The following KLF12 variants were observed in gnomAD, a reference collection of about 807,000 sequenced individuals.
KLF12 encodes the protein Krueppel-like factor 12.
Under a neutral mutation model 37.8 loss-of-function variants are expected in KLF12, and 9 were observed. The ratio of observed to expected loss-of-function variants is 0.24; its 90% confidence interval spans 0.14 to 0.42. The LOEUF (loss-of-function observed/expected upper bound fraction) is 0.42, where lower values mean the gene tolerates loss of function less well. Ranked by LOEUF, KLF12 falls within the 10% of genes least tolerant of loss-of-function variation. The probability of loss-of-function intolerance (pLI) is 1.00; values close to 1 mark genes in which losing one functional copy is unlikely to be tolerated. For synonymous variants in KLF12, 208 were observed against 202.1 expected, an observed-to-expected ratio of 1.03 and a Z score of -0.25; for missense variants, 411 against 516.0, an observed-to-expected ratio of 0.80 and a Z score of 1.97.
intron 1 of KLF12, among the ~76,000 whole-genome samples, chr13:74,050,767 C>G (rs1872865465): frequency 6.6e-6 from 1 of 152,152 alleles, no homozygotes; most frequent in Admixed American, 6.5e-5. Flanking sequence ...AAACTGTCAA[C>G]AGAGTGAAAA....
At position 73,722,107 on chromosome 13, in the gene KLF12, T is replaced by G. The variant is rs1449603664; in HGVS notation, c.870-6582A>C. Among the ~76,000 whole-genome samples the G allele has an allele frequency of 2.6e-5, 4 of 152,180 alleles. No individual in the cohort carries two copies. The South Asian group carries it at 8.3e-4, about 32-fold the overall frequency. ...TTTGTACTGTTTCTAAGGTTTCATA[T>G]TATTTAAAATAAGACATTGAACATC... On this transcript the variant is annotated intron_variant, in intron 6 of 7. Coordinates refer to ENST00000377669, the MANE Select transcript of KLF12 (RefSeq NM_007249.5).
intron 3 of KLF12, among the ~76,000 whole-genome samples, chr13:73,887,402 AAC>A (rs1887283327): frequency 6.6e-6 from 1 of 152,148 alleles, no homozygotes; most frequent in Non-Finnish European, 1.5e-5. Flanking sequence ...CTACCATGGT[AAC>A]GAGTGTGTTC....
At chr13:74,094,835 A>T (rs188782563) in intron 1 of KLF12, among the ~76,000 whole-genome samples, 1 of 152,108 alleles carries the variant, frequency 6.6e-6, no homozygotes, top group Non-Finnish European at 1.5e-5. Context: ...CCTGACCTCA[A>T]GTGATCCACC....
the KLF12 span, among the ~76,000 whole-genome samples, chr13:74,294,083 G>A: frequency 6.6e-6 from 1 of 152,198 alleles, no homozygotes; most frequent in Admixed American, 6.5e-5. Flanking sequence ...TTTCCAGAAT[G>A]CCGGGAGTAG....
the KLF12 span, among the ~76,000 whole-genome samples, chr13:74,188,623 A>G: frequency 6.6e-6 from 1 of 152,304 alleles, no homozygotes; most frequent in African/African-American, 2.4e-5. Flanking sequence ...TATTTATGGT[A>G]AAGTTAACAG....
chr13:73,918,423 A>C (rs539304508), intron 3 of KLF12, among the ~76,000 whole-genome samples: 1 of 152,306 alleles, frequency 6.6e-6, no homozygotes, highest in African/African-American at 2.4e-5. Flanking sequence ...CCTCCAGTCC[A>C]TGATGTAGAT....
chr13:73,889,228 T>C (rs1214969476), intron 3 of KLF12, among the ~76,000 whole-genome samples: 1 of 152,124 alleles, frequency 6.6e-6, no homozygotes, highest in Non-Finnish European at 1.5e-5. Context: ...AACATTTATA[T>C]ACAAAATGTC....
At chr13:74,081,240 G>C (rs1018440202) in intron 1 of KLF12, among the ~76,000 whole-genome samples, 2 of 152,050 alleles carry the variant, frequency 1.3e-5, no homozygotes, top group African/African-American at 4.8e-5. Flanking sequence ...TAACAGGGAT[G>C]GTACTCGCAG....
At position 73,846,364 on chromosome 13, in the gene KLF12, C is replaced by T. The variant is rs776657675; in HGVS notation, c.133G>A (p.Val45Ile). The T allele has an allele frequency of 6.8e-6, 11 of 1,609,796 alleles. No individual in the cohort carries two copies. The highest frequency in any genetic ancestry group is 1.9e-4 in the Middle Eastern group (1 of 5,350). ...GCTTCCATATCGGGATAGTTGTGGA[C>T]GTTTGGAGACTGTGGGGAGAAAAAT... Residue 45 changes from valine to isoleucine, a missense_variant, in exon 4 of 8, where the codon GTC (valine) becomes ATC (isoleucine). This residue lies in a region of KLF12 where 351 missense variants were observed against 397.8 expected (regional missense o/e 0.88). Transcript: ENST00000377669.
chr13:73,980,004 A>G (rs1891650665), intron 2 of KLF12, among the ~76,000 whole-genome samples: 1 of 152,226 alleles, frequency 6.6e-6, no homozygotes, highest in Admixed American at 6.5e-5. Flanking sequence ...AGGGGGCCTC[A>G]GAAAAAAATC....
chr13:74,024,583 G>A (rs987332524), intron 1 of KLF12, among the ~76,000 whole-genome samples: 29 of 152,184 alleles, frequency 1.9e-4, no homozygotes, highest in African/African-American at 6.0e-4. Flanking sequence ...CACCAAAATA[G>A]TAATTCCATA....
the KLF12 span, among the ~76,000 whole-genome samples, chr13:74,179,487 T>C: frequency 1.9e-4 from 29 of 152,284 alleles, no homozygotes; most frequent in African/African-American, 1.2e-4. Flanking sequence ...AATGCAGAAA[T>C]AAAATGATTT....
At chr13:74,044,790 A>C (rs1893497491) in intron 1 of KLF12, among the ~76,000 whole-genome samples, 1 of 151,990 alleles carries the variant, frequency 6.6e-6, no homozygotes, top group Non-Finnish European at 1.5e-5. Flanking sequence ...GGTTGCGGTA[A>C]GCCAAGATCA....
chr13:73,886,090 A>G (rs576551446), intron 3 of KLF12, among the ~76,000 whole-genome samples: 1 of 152,296 alleles, frequency 6.6e-6, no homozygotes, highest in East Asian at 1.9e-4. Context: ...AAGGGCAGGT[A>G]CATCACAAAG....
intron 2 of KLF12, among the ~76,000 whole-genome samples, chr13:73,972,894 C>A (rs949750467): frequency 5.3e-5 from 8 of 151,792 alleles, no homozygotes; most frequent in African/African-American, 1.9e-4. Flanking sequence ...CTACAAGGTA[C>A]TGGGCATGAT....
intron 4 of KLF12, among the ~76,000 whole-genome samples, chr13:73,828,760 G>A (rs1883987061): frequency 6.6e-6 from 1 of 152,192 alleles, no homozygotes. Flanking sequence ...GAAGGTCTGT[G>A]ATAACTACAT....
chr13:74,223,423 C>T, the KLF12 span, among the ~76,000 whole-genome samples: 1,081 of 152,262 alleles, frequency 7.1e-3, 13 homozygotes, highest in African/African-American at 0.024. Context: ...ATAGTTCAAA[C>T]GCTTTTGTCT....
chr13:74,043,388 A>G (rs534090460), intron 1 of KLF12, among the ~76,000 whole-genome samples: 1 of 152,346 alleles, frequency 6.6e-6, no homozygotes, highest in South Asian at 2.1e-4. Flanking sequence ...TAACGAAACT[A>G]AGACAAGTAT....
At chr13:74,281,900 G>T in the KLF12 span, among the ~76,000 whole-genome samples, 1 of 152,122 alleles carries the variant, frequency 6.6e-6, no homozygotes, top group African/African-American at 2.4e-5. Flanking sequence ...CTTCTGTAAG[G>T]GAGATTTCCT....
Sources: allele counts gnomAD v4.1 joint callset (sites outside exome capture counted in the v4.1 genomes callset), GRCh38; gene constraint gnomAD v4.1.1; regional missense constraint gnomAD v4.1.1; transcripts MANE v1.5; gene names NCBI Gene and HGNC (gene_info 2026-07-23, HGNC 2026-07-21).